SGCZ: variants seen among roughly 807,000 people sequenced by gnomAD.
SGCZ encodes zeta-sarcoglycan.
A neutral mutation model predicts 41.3 loss-of-function variants in SGCZ; 40 were observed. The observed-to-expected ratio is 0.97, with a 90% CI of 0.75 to 1.26. SGCZ has a LOEUF of 1.26. Among genes scored for constraint, SGCZ ranks in the 50% most tolerant of loss-of-function variants. SGCZ has a pLI of 0.00. For synonymous variants in SGCZ, 206 were observed against 137.5 expected, an observed-to-expected ratio of 1.50 and a Z score of -3.49; for missense variants, 552 against 369.8, an observed-to-expected ratio of 1.49 and a Z score of -4.04.
intron 4 of SGCZ, among the ~76,000 whole-genome samples, chr8:14,219,323 T>C (rs1806107151): frequency 6.6e-6 from 1 of 152,140 alleles, no homozygotes; most frequent in African/African-American, 2.4e-5. Context: ...CCACTACATC[T>C]GAGAAGTATG....
At chr8:14,369,524 C>T (rs543794978) in intron 2 of SGCZ, among the ~76,000 whole-genome samples, 9 of 152,078 alleles carry the variant, frequency 5.9e-5, no homozygotes, top group African/African-American at 1.4e-4. Flanking sequence ...TCGTAGAAGG[C>T]AGCATCTCCC....
intron 1 of SGCZ, among the ~76,000 whole-genome samples, chr8:14,629,385 A>C (rs906004968): frequency 3.3e-5 from 5 of 152,172 alleles, no homozygotes; most frequent in African/African-American, 1.2e-4. Flanking sequence ...GTAAAAATAA[A>C]GAATAATGAA....
At chr8:15,159,737 CCCA>C (rs1563157538) in intron 1 of SGCZ, among the ~76,000 whole-genome samples, 1 of 33,434 alleles carries the variant, frequency 3.0e-5, no homozygotes, top group African/African-American at 1.1e-4. Flanking sequence ...CCCCGCCCCC[CCCA>C]CCCTCCCCCC....
chr8:15,059,000 T>A (rs961432379), intron 1 of SGCZ, among the ~76,000 whole-genome samples: 7 of 152,190 alleles, frequency 4.6e-5, no homozygotes, highest in African/African-American at 1.7e-4. Context: ...AATGTCTCTC[T>A]GGGTCACATT....
chr8:14,474,913 A>C (rs1305251813), intron 2 of SGCZ, among the ~76,000 whole-genome samples: 1 of 152,212 alleles, frequency 6.6e-6, no homozygotes, highest in Non-Finnish European at 1.5e-5. Flanking sequence ...AATCTGCTGT[A>C]ATTAAAGCCA....
At chr8:14,965,946 G>A (rs1801114325) in intron 1 of SGCZ, among the ~76,000 whole-genome samples, 1 of 151,914 alleles carries the variant, frequency 6.6e-6, no homozygotes, top group Non-Finnish European at 1.5e-5. Flanking sequence ...ACTAAAATGG[G>A]AGATTGTTTA....
chr8:14,309,607 G>A (rs1053134862), intron 3 of SGCZ: 5 of 1,610,672 alleles, frequency 3.1e-6, no homozygotes, highest in Admixed American at 1.7e-5. Flanking sequence ...ATAGTGACTG[G>A]TTATCAGTCC....
intron 1 of SGCZ, among the ~76,000 whole-genome samples, chr8:14,890,725 G>C (rs1457216708): frequency 6.6e-6 from 1 of 152,206 alleles, no homozygotes; most frequent in African/African-American, 2.4e-5. Flanking sequence ...TCCATTGGTA[G>C]AAGATGCCAT....
intron 4 of SGCZ, among the ~76,000 whole-genome samples, chr8:14,189,413 T>A (rs1003127241): frequency 1.3e-5 from 2 of 152,162 alleles, no homozygotes; most frequent in African/African-American, 4.8e-5. Flanking sequence ...ACCTCTCTGG[T>A]TCTTGCTTCT....
intron 1 of SGCZ, among the ~76,000 whole-genome samples, chr8:14,731,882 A>G (rs566644515): frequency 2.6e-5 from 4 of 152,030 alleles, no homozygotes; most frequent in African/African-American, 9.7e-5. Flanking sequence ...CCCACTCAAA[A>G]CACCTAGCAG....
intron 1 of SGCZ, among the ~76,000 whole-genome samples, chr8:15,136,910 T>C (rs1325717564): frequency 2.0e-5 from 3 of 152,092 alleles, no homozygotes; most frequent in African/African-American, 7.2e-5. Context: ...GCTTTGGAAC[T>C]GGGTACTAAA....
At chr8:14,359,035 T>A (rs1432045838) in intron 2 of SGCZ, among the ~76,000 whole-genome samples, 1 of 152,166 alleles carries the variant, frequency 6.6e-6, no homozygotes, top group African/African-American at 2.4e-5. Flanking sequence ...TTAATTAGGA[T>A]TTTTCTTCCT....
chr8:14,300,775 G>T (rs1563244393), intron 3 of SGCZ, among the ~76,000 whole-genome samples: 3 of 151,944 alleles, frequency 2.0e-5, no homozygotes, highest in South Asian at 2.1e-4. Flanking sequence ...GTCTTCTTTT[G>T]AGAAATTTCT....
At chr8:14,178,683 C>T (rs553398845) in intron 4 of SGCZ, among the ~76,000 whole-genome samples, 75 of 152,316 alleles carry the variant, frequency 4.9e-4, no homozygotes, top group African/African-American at 1.7e-3. Flanking sequence ...CTGATATTCA[C>T]AGGCTACACA....
At chr8:14,763,924 G>T (rs961245098) in intron 1 of SGCZ, among the ~76,000 whole-genome samples, 2 of 152,202 alleles carry the variant, frequency 1.3e-5, no homozygotes, top group Non-Finnish European at 2.9e-5. Flanking sequence ...AGAAGGAACT[G>T]TGTGATGTTG....
At chr8:14,125,402 G>T (rs1802820234) in intron 5 of SGCZ, among the ~76,000 whole-genome samples, 1 of 151,802 alleles carries the variant, frequency 6.6e-6, no homozygotes, top group Non-Finnish European at 1.5e-5. Context: ...TACTTGGGAG[G>T]CTGAGGCAGG....
At chr8:14,611,685 G>A (rs1259986821) in intron 1 of SGCZ, among the ~76,000 whole-genome samples, 1 of 152,076 alleles carries the variant, frequency 6.6e-6, no homozygotes, top group East Asian at 1.9e-4. Flanking sequence ...AGCAAAATTT[G>A]TGCAAGATTT....
rs542447169 is a variant in SGCZ, at chr8:14,514,525, C to G, written c.234+40207G>C. Among the ~76,000 whole-genome samples the G allele has an allele frequency of 2.6e-5, 4 of 151,550 alleles. 1 individual carries two copies. The South Asian group carries it at 8.3e-4, about 32-fold the overall frequency. ...TAGTACATGAGGTGAAATCAATATT[C>G]TGCTTTAATTTTATCATCAGTGTAT... is the stretch of plus-strand genomic sequence containing the variant. On this transcript the variant is annotated intron_variant, in intron 2 of 7. Coordinates refer to ENST00000382080, the MANE Select transcript of SGCZ (RefSeq NM_139167.4).
At chr8:14,432,876 T>C (rs1799982614) in intron 2 of SGCZ, among the ~76,000 whole-genome samples, 1 of 130,916 alleles carries the variant, frequency 7.6e-6, no homozygotes. Flanking sequence ...ATCGTGCTAC[T>C]GCACTCCAGC....
Sources: allele counts gnomAD v4.1 joint callset (sites outside exome capture counted in the v4.1 genomes callset), GRCh38; gene constraint gnomAD v4.1.1; transcripts MANE v1.5; gene names NCBI Gene and HGNC (gene_info 2026-07-23, HGNC 2026-07-21).